PAWR: variants seen among roughly 807,000 people sequenced by gnomAD.
The protein encoded by PAWR is PRKC apoptosis WT1 regulator protein.
PAWR carries 23 observed loss-of-function variants against 32.0 expected under a neutral mutation model. The ratio of observed to expected loss-of-function variants is 0.72; its 90% confidence interval spans 0.52 to 1.02. PAWR has a LOEUF of 1.02. PAWR is among the 50% of genes least tolerant of loss of function. The probability of loss-of-function intolerance (pLI) is 0.00; values close to 1 mark genes in which losing one functional copy is unlikely to be tolerated. For missense variants in PAWR, 457 were observed against 437.7 expected (o/e 1.04, Z -0.39); for synonymous variants, 226 against 187.1 (o/e 1.21, Z -1.70).
intron 3 of PAWR, among the ~76,000 whole-genome samples, chr12:79,618,605 G>A (rs1874857777): frequency 6.6e-6 from 1 of 152,060 alleles, no homozygotes. Flanking sequence ...CTTAGCCTCT[G>A]GTAATCACCA....
At chr12:79,619,467 G>A (rs1427383278) in intron 3 of PAWR, among the ~76,000 whole-genome samples, 3 of 152,150 alleles carry the variant, frequency 2.0e-5, no homozygotes, top group Non-Finnish European at 4.4e-5. Context: ...AAGTTGCTAA[G>A]CTTTATGATA....
chr12:79,641,739 T>A (rs1166750295), intron 2 of PAWR, among the ~76,000 whole-genome samples: 1 of 149,490 alleles, frequency 6.7e-6, no homozygotes, highest in Non-Finnish European at 1.5e-5. Context: ...CCCAGCTTCT[T>A]GGGAGGCTGA....
chr12:79,628,673 A>T (rs2136736559), intron 2 of PAWR, among the ~76,000 whole-genome samples: 1 of 152,284 alleles, frequency 6.6e-6, no homozygotes, highest in Non-Finnish European at 1.5e-5. Context: ...AAAGAAAAGG[A>T]TACCGCAAGA....
intron 4 of PAWR, among the ~76,000 whole-genome samples, chr12:79,608,298 C>T (rs1874278722): frequency 6.6e-6 from 1 of 152,110 alleles, no homozygotes; most frequent in Non-Finnish European, 1.5e-5. Flanking sequence ...TTTCCAAGGA[C>T]CAGGGGGATG....
rs1366651191 is a variant in PAWR, at chr12:79,590,718, G to A, written c.*1889C>T. On this transcript the variant is annotated 3_prime_UTR_variant, in exon 7 of 7. Coordinates refer to ENST00000328827, the MANE Select transcript of PAWR (RefSeq NM_002583.4). ...TAACTAAGGGTAACTAAAGGAAGAT[G>A]AGTACCTCACAACCAAAAGCAGTTA... 6.6e-6 allele frequency: 1 copy of A among 152,184 alleles called. No homozygotes were observed. The highest frequency in any genetic ancestry group is 1.5e-5 in the Non-Finnish European group (1 of 68,036). 9.4% of individuals were successfully genotyped at this position (152,184 alleles called of 1,614,324 possible). A position where few individuals can be genotyped will look rare whatever the true frequency, so the allele number is the denominator to read the frequency against.
At chr12:79,600,255 CA>C (rs1232471997) in intron 4 of PAWR, among the ~76,000 whole-genome samples, 3 of 151,926 alleles carry the variant, frequency 2.0e-5, no homozygotes, top group Non-Finnish European at 4.4e-5. Flanking sequence ...CTTTGCTTGT[CA>C]AAAAAGTCCA....
chr12:79,631,259 TTCACCATTTTTGCTC>T (rs1216047353), intron 2 of PAWR, among the ~76,000 whole-genome samples: 1 of 152,140 alleles, frequency 6.6e-6, no homozygotes, highest in Non-Finnish European at 1.5e-5. Flanking sequence ...GTAAGATGCT[TTCACCATTTTTGCTC>T]TCACCACTTC....
In PAWR at chr12:79,589,565, A is replaced by G. The variant is rs1188145772; in HGVS notation, c.*3042T>C. The G allele has an allele frequency of 2.6e-5, 4 of 152,078 alleles. No homozygotes were observed. Among genetic ancestry groups the G allele is most frequent in the East Asian group, 1.9e-4 (1 of 5,196 alleles). 9.4% of individuals were successfully genotyped at this position (152,078 alleles called of 1,614,324 possible). On this transcript the variant is annotated 3_prime_UTR_variant, in exon 7 of 7. Coordinates refer to ENST00000328827, the MANE Select transcript of PAWR (RefSeq NM_002583.4). ...ACAAGTGTGACAGTGCTAATCTACTATATTTAGTAAATCCCTTAGTACCTA... is the reference window on the plus strand; with the variant it reads ...ACAAGTGTGACAGTGCTAATCTACTGTATTTAGTAAATCCCTTAGTACCTA...
rs756912615 is a variant in PAWR at position 79,596,666 on chromosome 12, AAT to A, written c.684-10_684-9del. The A allele has an allele frequency of 6.5e-7, 1 of 1,545,508 alleles. No homozygotes were observed. Among genetic ancestry groups the A allele is most frequent in the Non-Finnish European group, 8.7e-7 (1 of 1,148,342 alleles). On this transcript the variant is annotated splice_polypyrimidine_tract_variant and intron_variant, in intron 4 of 6. Transcript: ENST00000328827. Reference sequence around the variant, plus strand: ...TCAGAGACACTGGTTGTGCTGTGGAAATATAAACATTTTATTAAAATCCCTAG... The same window carrying A: ...TCAGAGACACTGGTTGTGCTGTGGAAATAAACATTTTATTAAAATCCCTAG...
At chr12:79,649,764 T>C (rs575486609) in intron 2 of PAWR, among the ~76,000 whole-genome samples, 1 of 152,256 alleles carries the variant, frequency 6.6e-6, no homozygotes, top group South Asian at 2.1e-4. Flanking sequence ...GACTCCAGCC[T>C]GGTGACAGGG....
chr12:79,682,169 T>C (rs1460313865), intron 2 of PAWR, among the ~76,000 whole-genome samples: 1 of 152,218 alleles, frequency 6.6e-6, no homozygotes, highest in African/African-American at 2.4e-5. Flanking sequence ...TGAGTTTTTC[T>C]GAGCCAGGGT....
At chr12:79,643,913 A>C (rs1407988938) in intron 2 of PAWR, among the ~76,000 whole-genome samples, 1 of 152,212 alleles carries the variant, frequency 6.6e-6, no homozygotes, top group Non-Finnish European at 1.5e-5. Flanking sequence ...GGACTAAATA[A>C]TTACTAGGTG....
At chr12:79,677,904 T>C (rs974693729) in intron 2 of PAWR, among the ~76,000 whole-genome samples, 1 of 152,216 alleles carries the variant, frequency 6.6e-6, no homozygotes, top group Non-Finnish European at 1.5e-5. Context: ...CGTTAAGCTA[T>C]AAACTTCTCC....
rs1044112659 is a variant in PAWR at position 79,587,864 on chromosome 12, T to C, written c.*4743A>G. 17 of 151,776 alleles carry C rather than the reference T, an allele frequency of 1.1e-4. No individual in the cohort carries two copies. Among genetic ancestry groups the C allele is most frequent in the African/African-American group, 3.9e-4 (16 of 41,430 alleles). The allele number at this position is 151,776 out of a possible 1,614,324, so 9.4% of individuals were successfully genotyped here. On this transcript the variant is annotated 3_prime_UTR_variant, in exon 7 of 7. Coordinates refer to ENST00000328827, the MANE Select transcript of PAWR (RefSeq NM_002583.4). Reference sequence around the variant, plus strand: ...AAATTGAAAGTGAATCTATATTAAGTTGACTATTCCACAATAAAAACCTAT... The same window carrying C: ...AAATTGAAAGTGAATCTATATTAAGCTGACTATTCCACAATAAAAACCTAT...
At chr12:79,666,156 T>A (rs1227339757) in intron 2 of PAWR, among the ~76,000 whole-genome samples, 2 of 152,180 alleles carry the variant, frequency 1.3e-5, no homozygotes. Context: ...CTTCACTTGT[T>A]AAGTGGAGGC....
chr12:79,663,772 A>G (rs1436336300), intron 2 of PAWR, among the ~76,000 whole-genome samples: 1 of 149,974 alleles, frequency 6.7e-6, no homozygotes, highest in Non-Finnish European at 1.5e-5. Flanking sequence ...AACAAAACCA[A>G]AAAAAAAAAC....
chr12:79,605,530 A>C (rs7305823), intron 4 of PAWR, among the ~76,000 whole-genome samples: 4 of 149,426 alleles, frequency 2.7e-5, no homozygotes, highest in African/African-American at 7.5e-5. Context: ...TTTTTTTTTT[A>C]AAAAAAAAGC....
At chr12:79,689,605 G>T in intron 2 of PAWR, 124 bp downstream of exon 2, 2 of 1,089,012 alleles carry the variant, frequency 1.8e-6, no homozygotes, top group Non-Finnish European at 2.5e-6. Context: ...TGCCTAACTC[G>T]GTGAAGGGAC....
chr12:79,609,380 G>A (rs774119909), intron 4 of PAWR, among the ~76,000 whole-genome samples: 1 of 152,082 alleles, frequency 6.6e-6, no homozygotes, highest in Non-Finnish European at 1.5e-5. Flanking sequence ...AGGGACAGGA[G>A]GCAGGAAAAT....
Sources: allele counts gnomAD v4.1 joint callset (sites outside exome capture counted in the v4.1 genomes callset), GRCh38; gene constraint gnomAD v4.1.1; transcripts MANE v1.5; gene names NCBI Gene and HGNC (gene_info 2026-07-23, HGNC 2026-07-21).